SORCS3: variants seen among roughly 807,000 people sequenced by gnomAD.
SORCS3 encodes VPS10 domain-containing receptor SorCS3.
SORCS3 carries 57 observed loss-of-function variants against 146.3 expected under a neutral mutation model. The ratio of observed to expected loss-of-function variants is 0.39; its 90% CI spans 0.31 to 0.49. The LOEUF (loss-of-function observed/expected upper bound fraction) is 0.49, where lower values mean the gene tolerates loss of function less well. Among genes scored for constraint, SORCS3 ranks in the 20% least tolerant of loss-of-function variants. SORCS3 has a pLI of 0.92. For missense variants in SORCS3, 1,341 were observed against 1,575.5 expected, an observed-to-expected ratio of 0.85 and a Z score of 2.52; for synonymous variants, 653 against 618.5, an observed-to-expected ratio of 1.06 and a Z score of -0.83.
chr10:104,737,630 GC>G (rs1473479620), intron 1 of SORCS3, among the ~76,000 whole-genome samples: 1 of 152,082 alleles, frequency 6.6e-6, no homozygotes. Context: ...GGGGTTGTTT[GC>G]TTTTTTCTTG....
intron 5 of SORCS3, among the ~76,000 whole-genome samples, chr10:105,067,338 C>T (rs1341062261): frequency 1.3e-5 from 2 of 152,174 alleles, no homozygotes; most frequent in African/African-American, 2.4e-5. Flanking sequence ...ACCAGCCTAA[C>T]CAATATGGTG....
At chr10:104,757,464 AGC>A (rs2017067709) in intron 1 of SORCS3, among the ~76,000 whole-genome samples, 5 of 152,204 alleles carry the variant, frequency 3.3e-5, no homozygotes, top group African/African-American at 1.2e-4. Flanking sequence ...CAGGTACAAC[AGC>A]AGAGCAGTCT....
At chr10:105,127,383 C>A (rs2055983594) in intron 7 of SORCS3, among the ~76,000 whole-genome samples, 1 of 152,102 alleles carries the variant, frequency 6.6e-6, no homozygotes, top group South Asian at 2.1e-4. Flanking sequence ...AGAAGCCTAG[C>A]AAAGTGAAAA....
intron 14 of SORCS3, among the ~76,000 whole-genome samples, chr10:105,186,288 T>C (rs2056475896): frequency 6.6e-6 from 1 of 152,192 alleles, no homozygotes; most frequent in Admixed American, 6.5e-5. Flanking sequence ...GCCAGGGCTT[T>C]TTATTTGTTC....
chr10:104,873,671 G>A (rs1351840302), intron 2 of SORCS3, among the ~76,000 whole-genome samples: 2 of 152,030 alleles, frequency 1.3e-5, no homozygotes, highest in Non-Finnish European at 2.9e-5. Context: ...TAATTTGCTT[G>A]GCATAATGCA....
chr10:104,738,842 T>A (rs2016808703), intron 1 of SORCS3, among the ~76,000 whole-genome samples: 1 of 152,152 alleles, frequency 6.6e-6, no homozygotes, highest in African/African-American at 2.4e-5. Flanking sequence ...ATAGGAGACA[T>A]TCCTTGACAA....
At chr10:104,864,729 AG>A (rs2018442176) in intron 2 of SORCS3, among the ~76,000 whole-genome samples, 1 of 152,196 alleles carries the variant, frequency 6.6e-6, no homozygotes, top group Admixed American at 6.5e-5. Context: ...ATAGAGAGCA[AG>A]GAGAGCAAGT....
intron 8 of SORCS3, among the ~76,000 whole-genome samples, chr10:105,140,954 TCA>T (rs901178184): frequency 3.9e-5 from 6 of 152,144 alleles, no homozygotes; most frequent in Non-Finnish European, 8.8e-5. Flanking sequence ...AAGGGGAAAT[TCA>T]CAGTTATGCT....
intron 1 of SORCS3, among the ~76,000 whole-genome samples, chr10:104,681,310 C>T (rs1393521893): frequency 9.0e-6 from 1 of 111,150 alleles, no homozygotes; most frequent in Non-Finnish European, 1.8e-5. Flanking sequence ...AGTCCTTTCC[C>T]GGGCCGACTC....
At chr10:104,832,455 C>T (rs2018011366) in intron 1 of SORCS3, among the ~76,000 whole-genome samples, 1 of 152,304 alleles carries the variant, frequency 6.6e-6, no homozygotes, top group South Asian at 2.1e-4. Flanking sequence ...CAGTGGCACA[C>T]ACCTGTAATC....
chr10:104,835,771 A>G (rs140457127), intron 1 of SORCS3, among the ~76,000 whole-genome samples: 17 of 152,304 alleles, frequency 1.1e-4, no homozygotes, highest in Middle Eastern at 3.4e-3. Flanking sequence ...TAGAATCTGA[A>G]ACCTTTCCAC....
At chr10:104,750,157 G>A (rs1695226880) in intron 1 of SORCS3, among the ~76,000 whole-genome samples, 1 of 152,108 alleles carries the variant, frequency 6.6e-6, no homozygotes, top group African/African-American at 2.4e-5. Flanking sequence ...AAATGACCCA[G>A]GGAAAGATTA....
intron 2 of SORCS3, among the ~76,000 whole-genome samples, chr10:104,846,600 A>G (rs2018207730): frequency 6.6e-6 from 1 of 152,198 alleles, no homozygotes; most frequent in African/African-American, 2.4e-5. Flanking sequence ...TCTACTTCTA[A>G]ATAGACAAAA....
intron 6 of SORCS3, among the ~76,000 whole-genome samples, chr10:105,102,807 G>A (rs1331241386): frequency 7.3e-5 from 1 of 13,774 alleles, no homozygotes; most frequent in Admixed American, 6.7e-4. Flanking sequence ...TTTTTTTTTT[G>A]TGAGATGGAG....
chr10:104,869,806 A>G lies in SORCS3; in HGVS notation c.695+26947A>G, dbSNP rs531557311. ...AGACATCCTTCTGGCTAGGTTGTCAACCATTCTTTCAAACATCTTTTATAG... is the reference window on the plus strand; with the variant it reads ...AGACATCCTTCTGGCTAGGTTGTCAGCCATTCTTTCAAACATCTTTTATAG... On this transcript the variant is annotated intron_variant, in intron 2 of 26. Transcript: ENST00000369701. 5.3e-5 allele frequency among the ~76,000 whole-genome samples: 8 copies of G among 152,346 alleles called. No homozygotes were observed. The South Asian group carries it at 1.7e-3, about 32-fold the overall frequency.
chr10:104,711,019 C>T (rs913188554), intron 1 of SORCS3, among the ~76,000 whole-genome samples: 1 of 152,166 alleles, frequency 6.6e-6, no homozygotes, highest in Non-Finnish European at 1.5e-5. Flanking sequence ...TGTGCTAGAG[C>T]TTGTGAGATG....
intron 1 of SORCS3, among the ~76,000 whole-genome samples, chr10:104,701,135 C>T (rs1336902212): frequency 6.6e-6 from 1 of 152,164 alleles, no homozygotes; most frequent in Non-Finnish European, 1.5e-5. Flanking sequence ...TTCTACCTCT[C>T]TGGAAAACAA....
chr10:105,172,136 C>T (rs1455769383), intron 13 of SORCS3, among the ~76,000 whole-genome samples: 1 of 152,106 alleles, frequency 6.6e-6, no homozygotes, highest in Non-Finnish European at 1.5e-5. Flanking sequence ...CAGAATAAGC[C>T]TGCTACAGAG....
chr10:105,090,460 A>C (rs1332861225), intron 6 of SORCS3, among the ~76,000 whole-genome samples: 1 of 152,242 alleles, frequency 6.6e-6, no homozygotes, highest in African/African-American at 2.4e-5. Flanking sequence ...ATTGGACTGA[A>C]AAAGCATCAT....
Sources: allele counts gnomAD v4.1 joint callset (sites outside exome capture counted in the v4.1 genomes callset), GRCh38; gene constraint gnomAD v4.1.1; transcripts MANE v1.5; gene names NCBI Gene and HGNC (gene_info 2026-07-23, HGNC 2026-07-21).